The following KRT75 variants were observed in gnomAD, a reference collection of about 807,000 sequenced individuals.
The protein encoded by KRT75 is keratin 75, also known as keratin, type II cytoskeletal 75.
A neutral mutation model predicts 48.8 loss-of-function variants in KRT75; 35 were observed. The observed-to-expected ratio is 0.72, with a 90% CI of 0.55 to 0.95. KRT75 has a LOEUF of 0.95. Ranked by LOEUF, KRT75 falls within the 40% of genes least tolerant of loss-of-function variation. KRT75 has a pLI of 0.00. For missense variants in KRT75, 776 were observed against 709.9 expected (o/e 1.09, Z -1.06); for synonymous variants, 301 against 282.3 (o/e 1.07, Z -0.66).
chr12:52,434,089 G>A lies in KRT75; in HGVS notation c.216C>T (p.Ser72=), dbSNP rs753276095. The change falls in exon 1 of 9, where the codon TCC becomes TCT. Residue 72 remains serine (S), a synonymous_variant. Coordinates refer to ENST00000252245, the MANE Select transcript of KRT75 (RefSeq NM_004693.3). Reference sequence around the variant, plus strand: ...GGCAGCTGCTGCCACACCCATTGATGGAGACCCGCTTGGCACCCCCCAGGT... The same window carrying A: ...GGCAGCTGCTGCCACACCCATTGATAGAGACCCGCTTGGCACCCCCCAGGT... ...LYNLGGAKRV[S]INGCGSSCRS... 2 of 1,614,142 alleles carry A rather than the reference G, an allele frequency of 1.2e-6. No individual in the cohort carries two copies. The highest frequency in any genetic ancestry group is 3.3e-5 in the Admixed American group (2 of 60,032).
Position 52,428,319 on chromosome 12 carries a change from A to T in KRT75, c.1319T>A (p.Ile440Asn). The change falls in exon 7 of 9, where the codon ATC (isoleucine) becomes AAC (asparagine). Residue 440 changes from isoleucine (I) to asparagine (N), a missense_variant. Physicochemically the swap from Ile to Asn is moderately radical, Grantham distance 149 (BLOSUM62 -3). Coordinates refer to ENST00000252245, the MANE Select transcript of KRT75 (RefSeq NM_004693.3). ...LLREYQELMNIKLALDVEIAT... is the reference protein window; with the variant it reads ...LLREYQELMNNKLALDVEIAT... ...GATCTCCACGTCCAGGGCCAGCTTG[A>T]TGTTCATCAGCTCCTGGTACTCACG... 3 of 1,613,978 alleles carry T rather than the reference A, an allele frequency of 1.9e-6. No individual in the cohort carries two copies. Among genetic ancestry groups the T allele is most frequent in the Non-Finnish European group, 2.5e-6 (3 of 1,180,030 alleles).
Position 52,424,120 on chromosome 12 carries a change from G to A in KRT75, c.*397C>T. ...ACATTCCAGGGAGGGAACAGAGGGA[G>A]CACTCACTCCCAGCAGGCCACTTAT... is the stretch of plus-strand genomic sequence containing the variant. On this transcript the variant is annotated 3_prime_UTR_variant, in exon 9 of 9. Transcript: ENST00000252245. 3.1e-6 allele frequency: 1 copy of A among 319,920 alleles called. No homozygotes were observed. Among genetic ancestry groups the A allele is most frequent in the Non-Finnish European group, 6.1e-6 (1 of 164,398 alleles). 19.8% of individuals were successfully genotyped at this position (319,920 alleles called of 1,614,324 possible).
chr12:52,424,444 G>T lies in KRT75; in HGVS notation c.*73C>A. 1 of 1,325,966 alleles carries T rather than the reference G, an allele frequency of 7.5e-7. No individual in the cohort carries two copies. The highest frequency in any genetic ancestry group is 1.2e-5 in the South Asian group (1 of 85,276). The allele number at this position is 1,325,966 out of a possible 1,614,324, so 82.1% of individuals were successfully genotyped here. ...GTGCACCTTACAAGGAGAGAGGAAG[G>T]AGGAGGACCCTGGTGTCCAGGTGTG... On this transcript the variant is annotated 3_prime_UTR_variant, in exon 9 of 9. Transcript: ENST00000252245.
Position 52,424,337 on chromosome 12 carries a change from A to C in KRT75, c.*180T>G. 1.4e-6 allele frequency: 1 copy of C among 722,326 alleles called. No individual in the cohort carries two copies. The highest frequency in any genetic ancestry group is 2.5e-6 in the Non-Finnish European group (1 of 396,358). 44.7% of individuals were successfully genotyped at this position (722,326 alleles called of 1,614,324 possible). On this transcript the variant is annotated 3_prime_UTR_variant, in exon 9 of 9. Transcript: ENST00000252245. The stretch of plus-strand genomic sequence containing the variant: ...TGTGTAACAGACGGGTGCTGCTGGC[A>C]GTCTGGGCACTGTCAGGAGGGAGAG...
chr12:52,433,472 G>A (rs1277476621), intron 1 of KRT75, among the ~76,000 whole-genome samples: 1 of 151,698 alleles, frequency 6.6e-6, no homozygotes, highest in Non-Finnish European at 1.5e-5. Context: ...AGAGGCTTCT[G>A]TTGGGGAGCT....
chr12:52,431,282 G>T (rs1322293220), intron 4 of KRT75, among the ~76,000 whole-genome samples: 1 of 152,072 alleles, frequency 6.6e-6, no homozygotes, highest in East Asian at 1.9e-4. Context: ...CCTAGAATTT[G>T]GGAATCAGTA....
intron 8 of KRT75, among the ~76,000 whole-genome samples, chr12:52,426,158 G>A (rs891622758): frequency 4.6e-5 from 7 of 152,208 alleles, no homozygotes; most frequent in Non-Finnish European, 8.8e-5. Context: ...TTGCCCTTGT[G>A]ATGCCAGCAC....
At chr12:52,431,671 C>G (rs1209623807) in intron 3 of KRT75, 33 bp from the exon 4 acceptor site, 1 of 1,456,168 alleles carries the variant, frequency 6.9e-7, no homozygotes, top group Admixed American at 1.7e-5. Flanking sequence ...TCCTTTGAGT[C>G]TGCAGCCCCA....
rs146898872 is a variant in KRT75 at position 52,424,594 on chromosome 12, G to C, written c.1579C>G (p.Arg527Gly). Reference sequence around the variant, plus strand: ...CTAGAACCACTGCCCCCTAAGCCCCGGTTGCTGGTGGCACTGAATCCAGAA... The same window carrying C: ...CTAGAACCACTGCCCCCTAAGCCCCCGTTGCTGGTGGCACTGAATCCAGAA... ...GGSGFSATSNRGLGGSGSSVK... is the reference protein window; with the variant it reads ...GGSGFSATSNGGLGGSGSSVK... Residue 527 changes from arginine to glycine, a missense_variant, in exon 9 of 9, where the codon CGG becomes GGG. Arg to Gly is a moderately radical substitution (Grantham distance 125, BLOSUM62 -2). Transcript: ENST00000252245. 1.2e-6 allele frequency: 2 copies of C among 1,614,128 alleles called. No individual in the cohort carries two copies. Among genetic ancestry groups the C allele is most frequent in the East Asian group, 4.5e-5 (2 of 44,872 alleles).
chr12:52,433,198 G>A lies in KRT75; in HGVS notation c.553C>T (p.Gln185Ter). Reference sequence around the variant, plus strand: ...CTCACAGTCCTGGAGCCCTGCTCCTGCAGGAGGGCCCACTTGGTCTCCAGG... The same window carrying A: ...CTCACAGTCCTGGAGCCCTGCTCCTACAGGAGGGCCCACTTGGTCTCCAGG... ...KVLETKWALL[Q>*]EQGSRTVRQN... The change falls in exon 2 of 9, where the codon CAG (glutamine) becomes TAG (stop). Residue 185 changes from glutamine to a stop codon, truncating the protein, a stop_gained. Coordinates refer to ENST00000252245, the MANE Select transcript of KRT75 (RefSeq NM_004693.3). LOFTEE classifies it high-confidence loss of function. The A allele has an allele frequency of 6.2e-7, 1 of 1,614,124 alleles. No homozygotes were observed. Among genetic ancestry groups the A allele is most frequent in the Non-Finnish European group, 8.5e-7 (1 of 1,180,016 alleles).
At chr12:52,430,389 T>C in intron 5 of KRT75, 152 bp downstream of exon 5, 1 of 840,736 alleles carries the variant, frequency 1.2e-6, no homozygotes, top group Non-Finnish European at 2.0e-6. Context: ...TCCACATGCA[T>C]TTCAAGCTAA....
At position 52,431,658 on chromosome 12, in the gene KRT75, T is replaced by A; in HGVS notation, c.775-20A>T. The A allele has an allele frequency of 6.4e-7, 1 of 1,561,802 alleles. No individual in the cohort carries two copies. ...TACGTCCTGGAATGACAGCGCAGGA[T>A]GCTCCTTTGAGTCTGCAGCCCCAAG... On this transcript the variant is annotated intron_variant, in intron 3 of 8. Coordinates refer to ENST00000252245, the MANE Select transcript of KRT75 (RefSeq NM_004693.3).
Position 52,434,332 on chromosome 12 carries a change from C to T in KRT75, c.-28G>A. 3 of 1,576,474 alleles carry T rather than the reference C, an allele frequency of 1.9e-6. No homozygotes were observed. The highest frequency in any genetic ancestry group is 2.6e-6 in the Non-Finnish European group (3 of 1,169,346). On this transcript the variant is annotated 5_prime_UTR_variant, in exon 1 of 9. Transcript: ENST00000252245. ...TGGGTGAGGAAGGCCGGCGAGAAGG[C>T]ACCTGAGGTGGGCTGGTACAGGCAG...
At position 52,428,683 on chromosome 12, in the gene KRT75, C is replaced by T; in HGVS notation, c.1096G>A (p.Glu366Lys). 2 of 1,614,176 alleles carry T rather than the reference C, an allele frequency of 1.2e-6. No individual in the cohort carries two copies. Among genetic ancestry groups the T allele is most frequent in the Non-Finnish European group, 1.7e-6 (2 of 1,180,040 alleles). The change falls in exon 6 of 9, where the codon GAG becomes AAG. Residue 366 changes from glutamate (E) to lysine (K), a missense_variant. Physicochemically the swap from Glu to Lys is moderately conservative, Grantham distance 56. Coordinates refer to ENST00000252245, the MANE Select transcript of KRT75 (RefSeq NM_004693.3). ...HGDDLRNTKQ[E>K]ISEMNRMIQR... is the part of the protein sequence containing the mutation. Reference sequence around the variant, plus strand: ...ATCATGCGGTTCATTTCAGAGATCTCTTGTTTGGTGTTTCGAAGGTCATCC... The same window carrying T: ...ATCATGCGGTTCATTTCAGAGATCTTTTGTTTGGTGTTTCGAAGGTCATCC...
intron 1 of KRT75, among the ~76,000 whole-genome samples, chr12:52,433,459 C>T (rs938635993): frequency 2.6e-4 from 39 of 151,366 alleles, no homozygotes; most frequent in African/African-American, 9.3e-4. Flanking sequence ...GGTGGTGGGG[C>T]CTAGAGGCTT....
intron 8 of KRT75, among the ~76,000 whole-genome samples, chr12:52,425,389 A>C (rs1479655150): frequency 2.0e-5 from 3 of 152,250 alleles, no homozygotes; most frequent in Non-Finnish European, 2.9e-5. Context: ...TCAAAAACCT[A>C]TGGTGAAGTG....
chr12:52,428,142 T>C (rs1456693864), intron 7 of KRT75, 114 bp downstream of exon 7: 1 of 1,351,516 alleles, frequency 7.4e-7, no homozygotes, highest in Non-Finnish European at 1.0e-6. Flanking sequence ...AATTCTGAAC[T>C]GCATTTTCTT....
intron 5 of KRT75, among the ~76,000 whole-genome samples, 198 bp downstream of exon 5, chr12:52,430,343 T>C (rs538586701): frequency 6.6e-6 from 1 of 152,256 alleles, no homozygotes; most frequent in African/African-American, 2.4e-5. Context: ...GCTCCCAGCA[T>C]TGGGCTGACC....
At chr12:52,431,480 G>GC in intron 4 of KRT75, 63 bp downstream of exon 4, 1 of 1,156,846 alleles carries the variant, frequency 8.6e-7, no homozygotes, top group Non-Finnish European at 1.3e-6. Flanking sequence ...ATGGCACAAT[G>GC]CATCATCCTT....
Sources: allele counts gnomAD v4.1 joint callset (sites outside exome capture counted in the v4.1 genomes callset), GRCh38; gene constraint gnomAD v4.1.1; transcripts MANE v1.5; gene names NCBI Gene and HGNC (gene_info 2026-07-23, HGNC 2026-07-21).